Variants in TTN observed in about 807,000 individuals in gnomAD.
TTN encodes titin, also known as connectin.
TTN carries 1,525 observed loss-of-function variants against 3,223.0 expected under a neutral mutation model. The ratio of observed to expected loss-of-function variants is 0.47; its 90% CI spans 0.45 to 0.49. The LOEUF (loss-of-function observed/expected upper bound fraction) is 0.49. TTN is among the 20% of genes least tolerant of loss of function. The pLI is 0.00. For synonymous variants in TTN, 14,094 were observed against 15,161.0 expected, an observed-to-expected ratio of 0.93 and a Z score of 5.17; for missense variants, 40,786 against 43,424.0, an observed-to-expected ratio of 0.94 and a Z score of 5.40.
In TTN at chr2:178,740,225, T is replaced by A. The variant is rs1175465855; in HGVS notation, c.13008A>T (p.Glu4336Asp). 1.2e-5 allele frequency: 20 copies of A among 1,613,592 alleles called. No homozygotes were observed. The highest frequency in any genetic ancestry group is 1.6e-5 in the Non-Finnish European group (19 of 1,179,820). Residue 4336 changes from glutamate to aspartate, a missense_variant, in exon 48 of 363, where the codon GAA (glutamate) becomes GAT (aspartate). Transcript: ENST00000589042. Reference protein sequence around the residue: ...KSLRFPLALEEKQVLLKEEHS... With the variant: ...KSLRFPLALEDKQVLLKEEHS... ...GCTCTTCTTTGAGCAGTACCTGCTT[T>A]TCTTCAAGTGCTAGTGGAAATCTTA...
Position 178,529,072 on chromosome 2 carries a change from T to C in TTN, c.106679A>G (p.Lys35560Arg). 6.2e-7 allele frequency: 1 copy of C among 1,613,510 alleles called. No individual in the cohort carries two copies. Among genetic ancestry groups the C allele is most frequent in the Non-Finnish European group, 8.5e-7 (1 of 1,179,692 alleles). The change falls in exon 360 of 363, where the codon AAG becomes AGG. Residue 35560 changes from lysine (K) to arginine (R), a missense_variant. Coordinates refer to ENST00000589042, the MANE Select transcript of TTN (RefSeq NM_001267550.2). ...TGAAGCTTCCTCTTTGAGGGCTAAC[T>C]TTTCTTGAGATTTTGCCTCTGACAT... ...IKMSEAKSQEKLALKEEASKV... is the reference protein window; with the variant it reads ...IKMSEAKSQERLALKEEASKV...
Position 178,784,175 on chromosome 2 carries a change from G to C in TTN, c.2670C>G (p.Tyr890Ter). 1.2e-6 allele frequency: 2 copies of C among 1,614,154 alleles called. No individual in the cohort carries two copies. Among genetic ancestry groups the C allele is most frequent in the Non-Finnish European group, 1.7e-6 (2 of 1,180,010 alleles). ...TCACCTCAACGCCAGCTTCACTCTTGTAAGTATCTGGTGTGTCAGCGAAGG... is the reference window on the plus strand; with the variant it reads ...TCACCTCAACGCCAGCTTCACTCTTCTAAGTATCTGGTGTGTCAGCGAAGG... ...QFPFADTPDT[Y>*]KSEAGVEVKK... is the part of the protein sequence containing the mutation. Residue 890 changes from tyrosine to a stop codon, truncating the protein, a stop_gained, in exon 16 of 363, where the codon TAC becomes TAG. Coordinates refer to ENST00000589042, the MANE Select transcript of TTN (RefSeq NM_001267550.2). LOFTEE classifies it high-confidence loss of function.
rs72648945 is a variant in TTN at position 178,730,727 on chromosome 2, T to C, written c.17806A>G (p.Ile5936Val). 190 of 1,613,218 alleles carry C rather than the reference T, an allele frequency of 1.2e-4. 2 individuals are homozygous for C. The highest frequency in any genetic ancestry group is 3.3e-4 in the Middle Eastern group (2 of 6,074). ...KKMDSIKGSF[I>V]DLECIVAGSH... ...CCAGCCACTATACATTCTAAATCAA[T>C]GAAAGAACCTTTAATGCTGTCCATT... Residue 5936 changes from isoleucine to valine, a missense_variant, in exon 61 of 363, where the codon ATT (isoleucine) becomes GTT (valine). Ile to Val is a conservative substitution (Grantham distance 29). Transcript: ENST00000589042.
rs781432886 is a variant in TTN, at chr2:178,533,789, G to A, written c.102826C>T (p.Arg34276Trp). The A allele has an allele frequency of 1.2e-5, 19 of 1,613,788 alleles. No homozygotes were observed. Among genetic ancestry groups the A allele is most frequent in the Admixed American group, 1.2e-4 (7 of 59,998 alleles). ...TGGACAGTTATAGTTACTCCAAACC[G>A]GACATTTTCACCTACATAAGCTGTC... ...NKTAYVGENV[R>W]FGVTITVHPE... Residue 34276 changes from arginine to tryptophan, a missense_variant, in exon 358 of 363, where the codon CGG becomes TGG. Physicochemically the swap from Arg to Trp is moderately radical, Grantham distance 101. Coordinates refer to ENST00000589042, the MANE Select transcript of TTN (RefSeq NM_001267550.2).
chr2:178,575,995 G>A lies in TTN; in HGVS notation c.70137C>T (p.Thr23379=), dbSNP rs770349910. The part of the protein sequence containing the change: ...KGRPAPEVTW[T]KDNINLKNRA... ...GGTTTTTCAGGTTGATGTTATCTTTGGTCCATGTCACTTCAGGAGCAGGAC... is the reference window on the plus strand; with the variant it reads ...GGTTTTTCAGGTTGATGTTATCTTTAGTCCATGTCACTTCAGGAGCAGGAC... The change falls in exon 326 of 363, where the codon ACC becomes ACT. Residue 23379 remains threonine, a synonymous_variant. Coordinates refer to ENST00000589042, the MANE Select transcript of TTN (RefSeq NM_001267550.2). The surrounding 1 kb of genome is among the most constrained non-coding windows in gnomAD (Gnocchi z 4.0). 9 of 1,611,464 alleles carry A rather than the reference G, an allele frequency of 5.6e-6. No individual in the cohort carries two copies. In the Admixed American group the frequency reaches 1.3e-4, roughly 24 times the overall value.
At chr2:178,748,528 A>G in intron 47 of TTN, 3 of 1,612,982 alleles carry the variant, frequency 1.9e-6, no homozygotes, top group East Asian at 2.2e-5. Flanking sequence ...GATCTCCTAT[A>G]TGAGAATACA....
At chr2:178,632,841 A>G in intron 234 of TTN, 49 bp from the exon 235 acceptor site, 1 of 1,612,174 alleles carries the variant, frequency 6.2e-7, no homozygotes, top group Non-Finnish European at 8.5e-7. Flanking sequence ...TCCATTGATG[A>G]CCCTTGATCA....
Position 178,779,371 on chromosome 2 carries a change from T to C in TTN, c.3821A>G (p.Asp1274Gly). 1.2e-6 allele frequency: 2 copies of C among 1,608,218 alleles called. No individual in the cohort carries two copies. The highest frequency in any genetic ancestry group is 1.7e-6 in the Non-Finnish European group (2 of 1,174,912). ...KTTLEELLEE[D>G]GEEKMAVDIS... is the part of the protein sequence containing the mutation. ...GTCAACTGCCATCTTTTCTTCTCCA[T>C]CTTCTTCAAGAAGTTCTTCTAATGT... is the stretch of plus-strand genomic sequence containing the variant. The change falls in exon 23 of 363, where the codon GAT becomes GGT. Residue 1274 changes from aspartate to glycine, a missense_variant. By Grantham distance (94) the Asp-to-Gly change is moderately conservative. Transcript: ENST00000589042.
At chr2:178,675,609 G>T in intron 149 of TTN, 62 bp downstream of exon 149, 1 of 1,250,360 alleles carries the variant, frequency 8.0e-7, no homozygotes, top group Non-Finnish European at 1.0e-6. Context: ...AGTGTCCTGT[G>T]TGGATAGAAC....
Position 178,786,076 on chromosome 2 carries a change from G to A in TTN, c.2142C>T (p.Val714=). Residue 714 remains valine, a synonymous_variant, in exon 14 of 363, where the codon GTC becomes GTT. Coordinates refer to ENST00000589042, the MANE Select transcript of TTN (RefSeq NM_001267550.2). Reference sequence around the variant, plus strand: ...GATGCCCAGGCTCTCTGGGCTCTCTGACTCGGGCCTGGTCTACTGCAGCAA... The same window carrying A: ...GATGCCCAGGCTCTCTGGGCTCTCTAACTCGGGCCTGGTCTACTGCAGCAA... ...TVVAAVDQAR[V]REPREPGHLE... is the part of the protein sequence containing the mutation. 1 of 1,614,090 alleles carries A rather than the reference G, an allele frequency of 6.2e-7. No individual in the cohort carries two copies. Among genetic ancestry groups the A allele is most frequent in the Non-Finnish European group, 8.5e-7 (1 of 1,180,000 alleles).
chr2:178,806,561 A>G (rs1256319566), intron 1 of TTN, among the ~76,000 whole-genome samples: 1 of 152,218 alleles, frequency 6.6e-6, no homozygotes, highest in Non-Finnish European at 1.5e-5. Flanking sequence ...CAAATCTCCA[A>G]CTATGTTGCA....
Position 178,607,123 on chromosome 2 carries a change from G to C in TTN, c.53479C>G (p.Leu17827Val), listed in dbSNP as rs762423166. The change falls in exon 278 of 363, where the codon CTG (leucine) becomes GTG (valine). Residue 17827 changes from leucine to valine, a missense_variant. Physicochemically the swap from Leu to Val is conservative, Grantham distance 32. Coordinates refer to ENST00000589042, the MANE Select transcript of TTN (RefSeq NM_001267550.2). ...AACTTATATTCTTGTCCCTCAAGCA[G>C]ACCTGTGATGTCACATTTAGATCTC... is the stretch of plus-strand genomic sequence containing the variant. ...TERSKCDITG[L>V]LEGQEYKFRV... The C allele has an allele frequency of 2.6e-5, 42 of 1,612,804 alleles. 4 individuals are homozygous for C. In the South Asian group the frequency reaches 4.6e-4, roughly 18 times the overall value.
rs727504187 is a variant in TTN, at chr2:178,573,580, G to A, written c.72552C>T (p.Val24184=). 1.3e-5 allele frequency: 19 copies of A among 1,495,568 alleles called. No individual in the cohort carries two copies. The East Asian group carries it at 4.2e-4, about 33-fold the overall frequency. 92.6% of individuals were successfully genotyped at this position (1,495,568 alleles called of 1,614,324 possible). A position where few individuals can be genotyped will look rare whatever the true frequency, so the allele number is the denominator to read the frequency against. ...ASEVQVTKLK[V]TKLLKGNEYI... is the part of the protein sequence containing the mutation. The stretch of plus-strand genomic sequence containing the variant: ...ATTCATTGCCTTTCAAGAGTTTAGT[G>A]ACCTTTAGCTTTGTTACTTGGACTT... The change falls in exon 326 of 363, where the codon GTC becomes GTT. Residue 24184 remains valine, a synonymous_variant. Coordinates refer to ENST00000589042, the MANE Select transcript of TTN (RefSeq NM_001267550.2).
intron 71 of TTN, chr2:178,724,986 TG>T (rs961265502): frequency 4.9e-6 from 1 of 205,506 alleles, no homozygotes; most frequent in African/African-American, 2.3e-5. Context: ...TTCAAACAAT[TG>T]TTTAATTGTC....
intron 346 of TTN, 40 bp from the exon 347 acceptor site, chr2:178,543,702 T>C: frequency 6.5e-7 from 1 of 1,530,062 alleles, no homozygotes; most frequent in Non-Finnish European, 8.7e-7. Flanking sequence ...CCTATTTGCC[T>C]GATAGCTTTT....
chr2:178,711,317 A>G lies in TTN; in HGVS notation c.27919T>C (p.Leu9307=), dbSNP rs1482268373. ...CCAACTGTTTCTTGAACATCTCTCA[A>G]TTGTCGAGAAAATGATGGTGGAAGT... ...QKLPPSFSRQ[L]RDVQETVGLP... is the part of the protein sequence containing the mutation. The change falls in exon 97 of 363, where the codon TTG becomes CTG. Residue 9307 remains leucine (L), a synonymous_variant. Coordinates refer to ENST00000589042, the MANE Select transcript of TTN (RefSeq NM_001267550.2). 4.3e-6 allele frequency: 7 copies of G among 1,609,594 alleles called. No homozygotes were observed. Among genetic ancestry groups the G allele is most frequent in the Middle Eastern group, 3.3e-4 (2 of 6,040 alleles).
At chr2:178,625,507 T>A in intron 240 of TTN, 111 bp from the exon 241 acceptor site, 1 of 1,286,524 alleles carries the variant, frequency 7.8e-7, no homozygotes, top group Non-Finnish European at 1.0e-6. Flanking sequence ...TGTTTTATAA[T>A]CATCTATTTA....
Position 178,605,527 on chromosome 2 carries a change from A to G in TTN, c.53768T>C (p.Leu17923Pro). Residue 17923 changes from leucine to proline, a missense_variant, in exon 279 of 363, where the codon CTG becomes CCG. Physicochemically the swap from Leu to Pro is moderately conservative, Grantham distance 98. Coordinates refer to ENST00000589042, the MANE Select transcript of TTN (RefSeq NM_001267550.2). ...NKRLCPTTSF[L>P]VENLDEHQMY... ...TTGGTGTTCATCAAGATTTTCAACC[A>G]GAAAAGATGTGGTTGGGCAGAGTCG... The G allele has an allele frequency of 6.2e-7, 1 of 1,612,450 alleles. No individual in the cohort carries two copies.
In TTN at chr2:178,552,212, C is replaced by G. The variant is rs1431511352; in HGVS notation, c.90688G>C (p.Gly30230Arg). 6.2e-7 allele frequency: 1 copy of G among 1,613,318 alleles called. No individual in the cohort carries two copies. The highest frequency in any genetic ancestry group is 8.5e-7 in the Non-Finnish European group (1 of 1,179,650). The change falls in exon 335 of 363, where the codon GGA becomes CGA. Residue 30230 changes from glycine to arginine, a missense_variant. By Grantham distance (125) the Gly-to-Arg change is moderately radical (BLOSUM62 -2). Coordinates refer to ENST00000589042, the MANE Select transcript of TTN (RefSeq NM_001267550.2). ...TTGATTTCATCAAATCGAATGGGTC[C>G]TTTGGGCTTTGATGGTGGGCCAAGG... ...ITLGPPSKPKGPIRFDEIKAD... is the reference protein window; with the variant it reads ...ITLGPPSKPKRPIRFDEIKAD...
Sources: gnomAD v4.1 joint callset for allele counts (sites outside exome capture counted in the v4.1 genomes callset) on GRCh38, gnomAD v4.1.1 for gene constraint, Gnocchi (gnomAD v3.1) non-coding constraint, MANE v1.5 for transcripts, NCBI Gene and HGNC (gene_info 2026-07-23, HGNC 2026-07-21) for gene names.